Variants in ACVR2A observed in about 807,000 individuals in gnomAD.
ACVR2A encodes the protein activin A receptor type 2A, also known as activin receptor type-2A.
A neutral mutation model predicts 61.4 loss-of-function variants in ACVR2A; 7 were observed. The observed-to-expected ratio is 0.11, with a 90% CI of 0.06 to 0.21. The LOEUF is 0.21. Among genes scored for constraint, ACVR2A ranks in the 10% least tolerant of loss-of-function variants. ACVR2A has a pLI of 1.00. For synonymous variants in ACVR2A, 193 were observed against 208.3 expected, an observed-to-expected ratio of 0.93 and a Z score of 0.63; for missense variants, 322 against 621.7, an observed-to-expected ratio of 0.52 and a Z score of 5.13.
intron 4 of ACVR2A, among the ~76,000 whole-genome samples, chr2:147,906,608 A>AC (rs1333099476): frequency 6.6e-6 from 1 of 152,180 alleles, no homozygotes; most frequent in African/African-American, 2.4e-5. Context: ...ATTCACTGTT[A>AC]TTGGTGTTAG....
chr2:147,859,501 A>T (rs1057003451), intron 1 of ACVR2A, among the ~76,000 whole-genome samples: 1 of 152,034 alleles, frequency 6.6e-6, no homozygotes, highest in African/African-American at 2.4e-5. Flanking sequence ...AAAAAAAAAA[A>T]AAGAAAATAG....
In ACVR2A at chr2:147,920,299, C is replaced by T; in HGVS notation, c.1032C>T (p.Ala344=). Residue 344 remains alanine, a synonymous_variant, in exon 8 of 11, where the codon GCC becomes GCT. Coordinates refer to ENST00000241416, the MANE Select transcript of ACVR2A (RefSeq NM_001616.5). The stretch of plus-strand genomic sequence containing the variant: ...CTTGCATTGCTGACTTTGGGTTGGC[C>T]TTAAAATTTGAGGCTGGCAAGTCTG... ...LTACIADFGL[A]LKFEAGKSAG... The T allele has an allele frequency of 6.2e-7, 1 of 1,613,360 alleles. No individual in the cohort carries two copies. The highest frequency in any genetic ancestry group is 2.2e-5 in the East Asian group (1 of 44,848).
intron 4 of ACVR2A, among the ~76,000 whole-genome samples, chr2:147,907,305 G>T (rs1687010650): frequency 6.6e-6 from 1 of 152,096 alleles, no homozygotes; most frequent in Admixed American, 6.6e-5. Flanking sequence ...AAATATACGT[G>T]TGCATGTGTC....
chr2:147,866,157 G>A (rs927221860), intron 1 of ACVR2A, among the ~76,000 whole-genome samples: 1 of 152,076 alleles, frequency 6.6e-6, no homozygotes, highest in Non-Finnish European at 1.5e-5. Context: ...AGAAAACAGG[G>A]GAGTTAATAA....
rs1266525450 is a variant in ACVR2A, at chr2:147,929,007, T to C, written c.*1733T>C. On this transcript the variant is annotated 3_prime_UTR_variant, in exon 11 of 11. Transcript: ENST00000241416. ...TTATTTAACCACACAGTACACTACA[T>C]TTTACATATATGTACGTAATCTCTG... The C allele has an allele frequency of 6.6e-6, 1 of 152,450 alleles. No homozygotes were observed. Among genetic ancestry groups the C allele is most frequent in the Non-Finnish European group, 1.5e-5 (1 of 67,956 alleles). The allele number at this position is 152,450 out of a possible 1,614,324, so 9.4% of individuals were successfully genotyped here. A position where few individuals can be genotyped will look rare whatever the true frequency, so the allele number is the denominator to read the frequency against.
chr2:147,845,324 T>G, intron 1 of ACVR2A, 117 bp downstream of exon 1: 10 of 543,820 alleles, frequency 1.8e-5, no homozygotes, highest in Non-Finnish European at 2.7e-5. Context: ...GGTTGCCCAC[T>G]CCCTGCGCCC....
At chr2:147,876,444 CA>C (rs1405803247) in intron 1 of ACVR2A, among the ~76,000 whole-genome samples, 1 of 151,846 alleles carries the variant, frequency 6.6e-6, no homozygotes, top group Admixed American at 6.6e-5. Context: ...GTATTTACCC[CA>C]AAATTATGCC....
chr2:147,927,504 A>T lies in ACVR2A; in HGVS notation c.*230A>T, dbSNP rs921759335. 2.6e-6 allele frequency: 1 copy of T among 386,482 alleles called. No individual in the cohort carries two copies. The highest frequency in any genetic ancestry group is 2.1e-5 in the African/African-American group (1 of 47,460). The allele number at this position is 386,482 out of a possible 1,614,324, so 23.9% of individuals were successfully genotyped here. A position where few individuals can be genotyped will look rare whatever the true frequency, so the allele number is the denominator to read the frequency against. ...GAGAAACCTTGCAAACTCTATAAAG[A>T]AACTTTTGAAAAAGTGTACATGAAG... On this transcript the variant is annotated 3_prime_UTR_variant, in exon 11 of 11. Coordinates refer to ENST00000241416, the MANE Select transcript of ACVR2A (RefSeq NM_001616.5).
chr2:147,859,580 A>G (rs1192986641), intron 1 of ACVR2A, among the ~76,000 whole-genome samples: 6 of 151,990 alleles, frequency 3.9e-5, no homozygotes, highest in Non-Finnish European at 7.4e-5. Context: ...GTGTGATTGT[A>G]TGTGTGTATG....
intron 4 of ACVR2A, among the ~76,000 whole-genome samples, chr2:147,903,705 CCTT>C (rs1450301744): frequency 6.6e-6 from 1 of 151,834 alleles, no homozygotes; most frequent in East Asian, 1.9e-4. Context: ...TTGTAATCCT[CCTT>C]GAAAGATTTG....
At chr2:147,849,550 G>A (rs892996945) in intron 1 of ACVR2A, among the ~76,000 whole-genome samples, 2 of 152,094 alleles carry the variant, frequency 1.3e-5, no homozygotes, top group African/African-American at 4.8e-5. Context: ...AATATTTTAT[G>A]ATCTATTGCA....
At chr2:147,908,078 A>AG (rs1189177533) in intron 4 of ACVR2A, among the ~76,000 whole-genome samples, 1 of 151,462 alleles carries the variant, frequency 6.6e-6, no homozygotes, top group Non-Finnish European at 1.5e-5. Flanking sequence ...AAAAAAGCAA[A>AG]GTAGGATAAA....
chr2:147,899,462 G>A lies in ACVR2A; in HGVS notation c.268G>A (p.Asp90Asn), dbSNP rs942825733. 15 of 1,608,434 alleles carry A rather than the reference G, an allele frequency of 9.3e-6. No individual in the cohort carries two copies. The highest frequency in any genetic ancestry group is 1.7e-5 in the Admixed American group (1 of 59,672). ...TTTTTCTCTGCTTATTTATAGGACTGATTGTGTAGAAAAAAAAGACAGCCC... is the reference window on the plus strand; with the variant it reads ...TTTTTCTCTGCTTATTTATAGGACTAATTGTGTAGAAAAAAAAGACAGCCC... Reference protein sequence around the residue: ...LDDINCYDRTDCVEKKDSPEV... With the variant: ...LDDINCYDRTNCVEKKDSPEV... The change falls in exon 3 of 11, where the codon GAT becomes AAT. Residue 90 changes from aspartate to asparagine, a missense_variant. Physicochemically the swap from Asp to Asn is conservative, Grantham distance 23 (BLOSUM62 1). Coordinates refer to ENST00000241416, the MANE Select transcript of ACVR2A (RefSeq NM_001616.5).
intron 5 of ACVR2A, 109 bp from the exon 6 acceptor site, chr2:147,917,174 T>TTTTTG (rs993567968): frequency 1.6e-6 from 2 of 1,228,428 alleles, no homozygotes; most frequent in Non-Finnish European, 2.2e-6. Flanking sequence ...TTTTAAGACT[T>TTTTTG]TTTTGTTTTG....
chr2:147,850,206 G>A (rs1467082076), intron 1 of ACVR2A, among the ~76,000 whole-genome samples: 1 of 151,620 alleles, frequency 6.6e-6, no homozygotes, highest in African/African-American at 2.4e-5. Flanking sequence ...TGACCCTTCT[G>A]TACTTCCTTA....
intron 1 of ACVR2A, among the ~76,000 whole-genome samples, chr2:147,886,757 GA>G (rs1227302844): frequency 1.3e-5 from 2 of 148,564 alleles, no homozygotes; most frequent in Non-Finnish European, 3.0e-5. Flanking sequence ...GATAGTCTTA[GA>G]CCCTAGTGGC....
chr2:147,898,274 A>C (rs1280995137), intron 2 of ACVR2A: 1 of 152,188 alleles, frequency 6.6e-6, no homozygotes, highest in African/African-American at 2.4e-5. Flanking sequence ...AAGAAGATTC[A>C]AGAATTGTCA....
chr2:147,922,341 C>T (rs1452371412), intron 8 of ACVR2A, among the ~76,000 whole-genome samples: 2 of 152,040 alleles, frequency 1.3e-5, no homozygotes, highest in Non-Finnish European at 2.9e-5. Flanking sequence ...TCGAATACAT[C>T]GCAAGTATGT....
At chr2:147,901,563 C>G (rs185302211) in intron 4 of ACVR2A, among the ~76,000 whole-genome samples, 15 of 152,110 alleles carry the variant, frequency 9.9e-5, no homozygotes, top group Middle Eastern at 3.4e-3. Flanking sequence ...AGTATCCGTA[C>G]ATCTCTGTGG....
Sources: allele counts gnomAD v4.1 joint callset (sites outside exome capture counted in the v4.1 genomes callset), GRCh38; gene constraint gnomAD v4.1.1; transcripts MANE v1.5; gene names NCBI Gene and HGNC (gene_info 2026-07-23, HGNC 2026-07-21).